COL22A1: variants seen among roughly 807,000 people sequenced by gnomAD.
COL22A1 encodes the protein collagen alpha-1(XXII) chain.
A neutral mutation model predicts 248.9 loss-of-function variants in COL22A1; 221 were observed. That is an observed-to-expected ratio of 0.89 (90% CI 0.80 to 0.99). The LOEUF is 0.99. COL22A1 is among the 50% of genes least tolerant of loss of function. The pLI is 0.00. For missense variants in COL22A1, 2,240 were observed against 2,179.0 expected, an observed-to-expected ratio of 1.03 and a Z score of -0.56; for synonymous variants, 891 against 793.4, an observed-to-expected ratio of 1.12 and a Z score of -2.07.
intron 22 of COL22A1, among the ~76,000 whole-genome samples, chr8:138,743,142 A>T (rs1210845344): frequency 8.2e-6 from 1 of 121,824 alleles, no homozygotes; most frequent in Non-Finnish European, 1.7e-5. Context: ...GTGATGGTGG[A>T]GTTGATGGTG....
intron 3 of COL22A1, among the ~76,000 whole-genome samples, chr8:138,863,939 C>T (rs1396091452): frequency 6.6e-6 from 1 of 152,194 alleles, no homozygotes; most frequent in Non-Finnish European, 1.5e-5. Flanking sequence ...TTATCAGATA[C>T]ATACCTATCA....
intron 63 of COL22A1, among the ~76,000 whole-genome samples, chr8:138,592,136 G>C (rs1053437541): frequency 6.6e-6 from 1 of 152,176 alleles, no homozygotes; most frequent in Non-Finnish European, 1.5e-5. Context: ...GAACATTCTA[G>C]TATGAAACAG....
intron 47 of COL22A1, among the ~76,000 whole-genome samples, chr8:138,643,182 T>C (rs900050830): frequency 1.3e-5 from 2 of 152,254 alleles, no homozygotes; most frequent in African/African-American, 4.8e-5. Flanking sequence ...GAGAAGGTCA[T>C]GCCCAGTAAG....
At chr8:138,673,652 C>A (rs1029664739) in intron 41 of COL22A1, among the ~76,000 whole-genome samples, 2 of 152,122 alleles carry the variant, frequency 1.3e-5, no homozygotes, top group Non-Finnish European at 2.9e-5. Context: ...TTGTGGGAAG[C>A]GGGTCTGTAT....
Position 138,662,093 on chromosome 8 carries a change from A to C in COL22A1, c.3187-10T>G. 1 of 1,611,022 alleles carries C rather than the reference A, an allele frequency of 6.2e-7. No individual in the cohort carries two copies. The highest frequency in any genetic ancestry group is 8.5e-7 in the Non-Finnish European group (1 of 1,178,436). On this transcript the variant is annotated splice_polypyrimidine_tract_variant and intron_variant, in intron 42 of 64. Transcript: ENST00000303045. ...GTAAGCCTCGTGATCCCTGAAGAAAAAGAAAAGAAGACACTGACACCCTAC... is the reference window on the plus strand; with the variant it reads ...GTAAGCCTCGTGATCCCTGAAGAAACAGAAAAGAAGACACTGACACCCTAC...
intron 45 of COL22A1, among the ~76,000 whole-genome samples, chr8:138,654,008 T>G (rs1000428443): frequency 1.3e-5 from 2 of 152,240 alleles, no homozygotes. Context: ...GCTGCTCTGA[T>G]GAGCACAGCT....
chr8:138,825,029 T>C (rs973164891), intron 6 of COL22A1, among the ~76,000 whole-genome samples: 4 of 152,018 alleles, frequency 2.6e-5, no homozygotes, highest in African/African-American at 7.2e-5. Context: ...AAGGAAGAGA[T>C]CCCAGACTGA....
Position 138,868,426 on chromosome 8 carries a change from G to A in COL22A1, c.658+9324C>T, listed in dbSNP as rs190742324. On this transcript the variant is annotated intron_variant, in intron 3 of 64. Transcript: ENST00000303045. Reference sequence around the variant, plus strand: ...TACAGGGGTATATAATACATGTATGGTATTGCAGTTTCAGAGAAGGGGGAT... The same window carrying A: ...TACAGGGGTATATAATACATGTATGATATTGCAGTTTCAGAGAAGGGGGAT... 3.9e-3 allele frequency among the ~76,000 whole-genome samples: 591 copies of A among 152,212 alleles called. 4 individuals are homozygous for A. Among genetic ancestry groups the A allele is most frequent in the Middle Eastern group, 0.034 (10 of 294 alleles).
At chr8:138,902,725 AATAT>A (rs34445760) in intron 1 of COL22A1, among the ~76,000 whole-genome samples, 163 of 107,168 alleles carry the variant, frequency 1.5e-3, no homozygotes, top group Admixed American at 1.8e-3. Flanking sequence ...AAAATTTATA[AATAT>A]ATATATATAT....
At chr8:138,640,394 T>A (rs1021994119) in intron 47 of COL22A1, among the ~76,000 whole-genome samples, 1 of 152,130 alleles carries the variant, frequency 6.6e-6, no homozygotes, top group African/African-American at 2.4e-5. Context: ...GGACTAAACT[T>A]TCCCAAGTTA....
At chr8:138,660,769 C>T (rs1174938835) in intron 43 of COL22A1, among the ~76,000 whole-genome samples, 1 of 148,614 alleles carries the variant, frequency 6.7e-6, no homozygotes, top group Non-Finnish European at 1.5e-5. Context: ...AGAACATGTG[C>T]ATGCACGCAT....
chr8:138,862,589 CCAGCTATAATAGT>C (rs1357737625), intron 3 of COL22A1, among the ~76,000 whole-genome samples: 5 of 152,122 alleles, frequency 3.3e-5, no homozygotes, highest in Admixed American at 6.5e-5. Flanking sequence ...ATTATAACTT[CCAGCTATAATAGT>C]CAGCTATAAT....
At chr8:138,855,734 C>A (rs1821960153) in intron 3 of COL22A1, among the ~76,000 whole-genome samples, 1 of 152,348 alleles carries the variant, frequency 6.6e-6, no homozygotes, top group African/African-American at 2.4e-5. Context: ...CAGCTTTACT[C>A]ATTAGATTAG....
chr8:138,604,682 GC>G, intron 59 of COL22A1, 51 bp downstream of exon 59: 1 of 1,527,932 alleles, frequency 6.5e-7, no homozygotes, highest in Non-Finnish European at 9.1e-7. Context: ...TGCATAGACT[GC>G]CCATTGGTGG....
At chr8:138,815,575 C>G (rs1818612458) in intron 7 of COL22A1, among the ~76,000 whole-genome samples, 2 of 152,314 alleles carry the variant, frequency 1.3e-5, no homozygotes, top group African/African-American at 4.8e-5. Context: ...CTCCCTGTCA[C>G]TCTAGCACAA....
chr8:138,821,765 A>G lies in COL22A1; in HGVS notation c.970-354T>C, dbSNP rs113088074. ...TGAGACTCCAAGACAATTCATGCAC[A>G]GAGGGGCTTGAGTTGTGAGACCAGC... On this transcript the variant is annotated intron_variant, in intron 6 of 64. Coordinates refer to ENST00000303045, the MANE Select transcript of COL22A1 (RefSeq NM_152888.3). Among the ~76,000 whole-genome samples, 1,048 of 151,464 alleles carry G rather than the reference A, an allele frequency of 6.9e-3. 7 individuals carry two copies. The highest frequency in any genetic ancestry group is 0.024 in the African/African-American group (972 of 41,330).
At chr8:138,707,179 T>TTCA (rs1230524126) in intron 30 of COL22A1, among the ~76,000 whole-genome samples, 12 of 152,252 alleles carry the variant, frequency 7.9e-5, no homozygotes, top group African/African-American at 2.6e-4. Flanking sequence ...CAGGACCAGA[T>TTCA]GCATTCACAG....
chr8:138,692,117 T>TGC, intron 35 of COL22A1, among the ~76,000 whole-genome samples: 1 of 62,354 alleles, frequency 1.6e-5, no homozygotes, highest in Non-Finnish European at 3.0e-5. Flanking sequence ...TGGAGGTGTG[T>TGC]GTATGTGTGT....
chr8:138,725,544 G>T, intron 23 of COL22A1, 104 bp from the exon 24 acceptor site: 1 of 899,146 alleles, frequency 1.1e-6, no homozygotes, highest in Non-Finnish European at 1.7e-6. Context: ...GGAGGATGAG[G>T]TGGGATTTTA....
Sources: allele counts gnomAD v4.1 joint callset (sites outside exome capture counted in the v4.1 genomes callset), GRCh38; gene constraint gnomAD v4.1.1; transcripts MANE v1.5; gene names NCBI Gene and HGNC (gene_info 2026-07-23, HGNC 2026-07-21).